Variants in P4HA3 observed in about 807,000 individuals in gnomAD.
P4HA3 encodes prolyl 4-hydroxylase subunit alpha-3.
A neutral mutation model predicts 66.7 loss-of-function variants in P4HA3; 60 were observed. That is an observed-to-expected ratio of 0.90 (90% CI 0.73 to 1.12). The LOEUF is 1.12. Ranked by LOEUF, P4HA3 falls within the 50% of genes most tolerant of loss-of-function variation. The pLI is 0.00. For missense variants in P4HA3, 683 were observed against 685.8 expected, an observed-to-expected ratio of 1.00 and a Z score of 0.05; for synonymous variants, 263 against 274.6, an observed-to-expected ratio of 0.96 and a Z score of 0.42.
rs754721883 is a variant in P4HA3 at position 74,302,325 on chromosome 11, A to G, written c.567+44T>C. ...TCGGTACATAGTTATTTTATCCATAAGAAACCAGAGCCAAGCAATTGGCCC... is the reference window on the plus strand; with the variant it reads ...TCGGTACATAGTTATTTTATCCATAGGAAACCAGAGCCAAGCAATTGGCCC... On this transcript the variant is annotated intron_variant, in intron 3 of 12. Coordinates refer to ENST00000331597, the MANE Select transcript of P4HA3 (RefSeq NM_182904.5). 2.6e-6 allele frequency: 4 copies of G among 1,520,300 alleles called. No homozygotes were observed. In the East Asian group the frequency reaches 9.1e-5, roughly 34 times the overall value. The allele number at this position is 1,520,300 out of a possible 1,614,324, so 94.2% of individuals were successfully genotyped here.
chr11:74,269,504 T>C (rs1231507749), intron 11 of P4HA3, 148 bp downstream of exon 11: 2 of 731,338 alleles, frequency 2.7e-6, no homozygotes, highest in Non-Finnish European at 4.4e-6. Flanking sequence ...AAGAAGACTA[T>C]GGGATGATCT....
intron 9 of P4HA3, among the ~76,000 whole-genome samples, chr11:74,274,064 T>A (rs531722170): frequency 1.7e-4 from 26 of 152,222 alleles, no homozygotes; most frequent in African/African-American, 6.3e-4. Context: ...TCACCCCTTG[T>A]AAGCCTACTG....
chr11:74,295,959 G>A (rs1321530716), intron 4 of P4HA3, among the ~76,000 whole-genome samples: 5 of 152,208 alleles, frequency 3.3e-5, no homozygotes, highest in Non-Finnish European at 7.3e-5. Flanking sequence ...AAACTTGAGA[G>A]TCTTGTAATA....
intron 4 of P4HA3, among the ~76,000 whole-genome samples, chr11:74,293,420 T>A (rs1861103406): frequency 6.6e-6 from 1 of 152,246 alleles, no homozygotes; most frequent in Non-Finnish European, 1.5e-5. Flanking sequence ...TCTGTGTCTT[T>A]TAATTGGAGC....
intron 5 of P4HA3, 66 bp from the exon 6 acceptor site, chr11:74,286,457 C>T: frequency 2.8e-6 from 4 of 1,422,130 alleles, no homozygotes; most frequent in Non-Finnish European, 3.7e-6. Flanking sequence ...GGGAGTGCCA[C>T]CAAGGTTTCC....
intron 4 of P4HA3, among the ~76,000 whole-genome samples, chr11:74,292,192 G>A (rs1373600511): frequency 8.5e-5 from 13 of 152,212 alleles, no homozygotes; most frequent in Admixed American, 8.5e-4. Flanking sequence ...ATGTGTCAAG[G>A]AATTTATCCA....
intron 15 of P4HA3, among the ~76,000 whole-genome samples, chr11:74,257,683 A>G (rs1283837315): frequency 6.6e-6 from 1 of 152,170 alleles, no homozygotes; most frequent in African/African-American, 2.4e-5. Flanking sequence ...ATATAAAAAG[A>G]CAAGGTCAGG....
intron 14 of P4HA3, among the ~76,000 whole-genome samples, chr11:74,260,347 T>A (rs1171542882): frequency 1.3e-5 from 2 of 152,134 alleles, no homozygotes; most frequent in Non-Finnish European, 2.9e-5. Context: ...GGCAGCAGGA[T>A]AAAACCATTC....
Position 74,292,845 on chromosome 11 carries a change from T to C in P4HA3, c.718-3715A>G, listed in dbSNP as rs865811276. Among the ~76,000 whole-genome samples, 51 of 152,338 alleles carry C rather than the reference T, an allele frequency of 3.3e-4. No individual in the cohort carries two copies. The Middle Eastern group carries it at 0.02, about 61-fold the overall frequency. ...ATAATTTCTGTTCTTTTACATTTGC[T>C]GAGGAGTGCTTTACTTCCAACTATG... On this transcript the variant is annotated intron_variant, in intron 4 of 12. Transcript: ENST00000331597.
In P4HA3 at chr11:74,268,146, C is replaced by T. The variant is rs2135702411; in HGVS notation, c.1563G>A (p.Trp521Ter). 6.2e-7 allele frequency: 1 copy of T among 1,613,470 alleles called. No individual in the cohort carries two copies. The highest frequency in any genetic ancestry group is 8.5e-7 in the Non-Finnish European group (1 of 1,179,446). Reference sequence around the variant, plus strand: ...CATGCCCAGAAAGGCAAGACTTACCCCACTTATCTCCCACCAGGACAGGAC... The same window carrying T: ...CATGCCCAGAAAGGCAAGACTTACCTCACTTATCTCCCACCAGGACAGGAC... ...AGCPVLVGDKWVANKWIHEYG... is the reference protein window; with the variant it reads ...AGCPVLVGDK The change falls in exon 12 of 13, where the codon TGG becomes TGA. Residue 521 changes from tryptophan (W) to a stop codon, truncating the protein, a stop_gained and splice_region_variant. Transcript: ENST00000331597. LOFTEE classifies it high-confidence loss of function.
chr11:74,256,755 T>C (rs1365763876), intron 15 of P4HA3, among the ~76,000 whole-genome samples: 1 of 152,060 alleles, frequency 6.6e-6, no homozygotes, highest in African/African-American at 2.4e-5. Context: ...CTAGTGAAAG[T>C]CCAAGGGAAA....
chr11:74,291,758 C>T (rs1165655243), intron 4 of P4HA3, among the ~76,000 whole-genome samples: 12 of 151,908 alleles, frequency 7.9e-5, no homozygotes, highest in Non-Finnish European at 1.5e-5. Flanking sequence ...TACTGATTTG[C>T]ATATGTTGAA....
chr11:74,253,370 A>G, intron 15 of P4HA3: 3 of 977,004 alleles, frequency 3.1e-6, no homozygotes. Context: ...GGGCTGTGAA[A>G]TGGGTCAGAT....
intron 4 of P4HA3, among the ~76,000 whole-genome samples, chr11:74,291,692 A>T (rs1405640375): frequency 1.3e-5 from 2 of 152,220 alleles, no homozygotes; most frequent in Non-Finnish European, 2.9e-5. Context: ...TTCTGCATCT[A>T]TTGAGATAAT....
chr11:74,285,186 C>T (rs1278069433), intron 7 of P4HA3, among the ~76,000 whole-genome samples: 1 of 151,992 alleles, frequency 6.6e-6, no homozygotes, highest in Non-Finnish European at 1.5e-5. Context: ...ATAACTGAAA[C>T]CACAGAAAGT....
At chr11:74,276,865 A>T (rs191687727) in intron 9 of P4HA3, 120 bp downstream of exon 9, 72 of 1,129,886 alleles carry the variant, frequency 6.4e-5, no homozygotes, top group African/African-American at 6.3e-5. Context: ...CTGGAAAAAG[A>T]ACCTTTGTTC....
chr11:74,270,849 T>C (rs1414750739), intron 10 of P4HA3, among the ~76,000 whole-genome samples: 1 of 152,208 alleles, frequency 6.6e-6, no homozygotes. Context: ...ATGTTTACTA[T>C]TATAAACAAC....
intron 1 of P4HA3, among the ~76,000 whole-genome samples, chr11:74,309,627 G>A (rs781722250): frequency 5.9e-5 from 9 of 152,088 alleles, no homozygotes; most frequent in Non-Finnish European, 8.8e-5. Context: ...AATGACTCTG[G>A]GCTATGAACA....
At chr11:74,305,366 C>T (rs963456197) in intron 1 of P4HA3, among the ~76,000 whole-genome samples, 3 of 152,124 alleles carry the variant, frequency 2.0e-5, no homozygotes, top group African/African-American at 7.2e-5. Flanking sequence ...TAGATTGTCT[C>T]ATTTAATTAC....
Sources: gnomAD v4.1 joint callset for allele counts (sites outside exome capture counted in the v4.1 genomes callset) on GRCh38, gnomAD v4.1.1 for gene constraint, MANE v1.5 for transcripts, NCBI Gene and HGNC (gene_info 2026-07-23, HGNC 2026-07-21) for gene names.